The following SERGEF variants were observed in gnomAD, a reference collection of about 807,000 sequenced individuals.
SERGEF encodes the protein secretion regulating guanine nucleotide exchange factor.
A neutral mutation model predicts 50.0 loss-of-function variants in SERGEF; 51 were observed. That is an observed-to-expected ratio of 1.02 (90% CI 0.81 to 1.29). SERGEF has a LOEUF of 1.29. Ranked by LOEUF, SERGEF falls within the 50% of genes most tolerant of loss-of-function variation. The pLI is 0.00. For missense variants in SERGEF, 521 were observed against 557.0 expected, an observed-to-expected ratio of 0.94 and a Z score of 0.65; for synonymous variants, 205 against 212.4, an observed-to-expected ratio of 0.97 and a Z score of 0.30.
intron 9 of SERGEF, 105 bp downstream of exon 9, chr11:17,959,365 A>C (rs370380339): frequency 2.0e-6 from 2 of 1,024,570 alleles, no homozygotes; most frequent in Non-Finnish European, 1.4e-6. Flanking sequence ...TGATTCCTAC[A>C]TGGTACCTAT....
At chr11:17,833,513 C>A (rs921292610) in intron 10 of SERGEF, among the ~76,000 whole-genome samples, 5 of 152,130 alleles carry the variant, frequency 3.3e-5, no homozygotes, top group African/African-American at 9.7e-5. Context: ...CCTAGTAGAG[C>A]TGTGAGAAGA....
intron 8 of SERGEF, among the ~76,000 whole-genome samples, chr11:17,962,909 C>T (rs1052990964): frequency 2.6e-5 from 4 of 152,076 alleles, no homozygotes; most frequent in African/African-American, 9.7e-5. Context: ...CGGCCAGGCA[C>T]AGTGGCTCAC....
At chr11:17,849,330 GACTCT>G (rs1343229107) in intron 10 of SERGEF, among the ~76,000 whole-genome samples, 1 of 152,124 alleles carries the variant, frequency 6.6e-6, no homozygotes, top group Non-Finnish European at 1.5e-5. Flanking sequence ...AGCATTTCCT[GACTCT>G]GGGCACTTAC....
intron 10 of SERGEF, among the ~76,000 whole-genome samples, chr11:17,814,122 A>G (rs1190564654): frequency 6.6e-6 from 1 of 152,252 alleles, no homozygotes; most frequent in Non-Finnish European, 1.5e-5. Context: ...CTTACATGGT[A>G]TGATGGTTAA....
At chr11:17,918,436 T>A (rs183094001) in intron 9 of SERGEF, among the ~76,000 whole-genome samples, 3 of 152,184 alleles carry the variant, frequency 2.0e-5, no homozygotes, top group African/African-American at 7.2e-5. Context: ...TTCATTTATA[T>A]CAACATAAGA....
intron 9 of SERGEF, among the ~76,000 whole-genome samples, chr11:17,951,566 A>G (rs1004048483): frequency 2.0e-5 from 3 of 152,148 alleles, no homozygotes; most frequent in African/African-American, 7.2e-5. Flanking sequence ...TTTTCCTGAT[A>G]TGACACTGAG....
chr11:17,988,077 T>C (rs1006466281), intron 8 of SERGEF, among the ~76,000 whole-genome samples: 19 of 152,328 alleles, frequency 1.2e-4, no homozygotes, highest in Admixed American at 9.8e-4. Context: ...AAAAGCTGTA[T>C]GGCATGATGT....
intron 10 of SERGEF, among the ~76,000 whole-genome samples, chr11:17,840,808 A>G (rs1850488084): frequency 6.6e-6 from 1 of 152,242 alleles, no homozygotes; most frequent in Non-Finnish European, 1.5e-5. Flanking sequence ...CAGCAAAGCC[A>G]GATGGGTTCT....
intron 10 of SERGEF, among the ~76,000 whole-genome samples, chr11:17,867,627 G>A (rs935783203): frequency 2.0e-5 from 3 of 152,212 alleles, no homozygotes; most frequent in African/African-American, 7.2e-5. Context: ...CCCCAGTAGG[G>A]AGTCTGTGTC....
At chr11:18,003,238 T>C (rs971724461) in intron 4 of SERGEF, among the ~76,000 whole-genome samples, 2 of 152,228 alleles carry the variant, frequency 1.3e-5, no homozygotes, top group African/African-American at 4.8e-5. Flanking sequence ...GCTTAGGTGG[T>C]AAAACTCATT....
chr11:17,957,738 G>GAAAAAAAA (rs201005017), intron 9 of SERGEF, among the ~76,000 whole-genome samples: 1 of 134,848 alleles, frequency 7.4e-6, no homozygotes. Flanking sequence ...CTAGTGGTGG[G>GAAAAAAAA]AAAAAAAAAA....
chr11:17,859,368 G>C (rs1850884305), intron 10 of SERGEF, among the ~76,000 whole-genome samples: 1 of 151,968 alleles, frequency 6.6e-6, no homozygotes, highest in Non-Finnish European at 1.5e-5. Context: ...AAAGTTGGAA[G>C]ATCAAGTCAA....
rs149128876 is a variant in SERGEF, at chr11:17,983,306, G to GT, written c.844+5290dup. The stretch of plus-strand genomic sequence containing the variant: ...CAACCAGCACTTGTAACCAGCATTT[G>GT]TAAGCACTGATCTTTCTGCACTCTT... On this transcript the variant is annotated intron_variant, in intron 8 of 10. Transcript: ENST00000265965. Among the ~76,000 whole-genome samples, 879 of 152,244 alleles carry GT rather than the reference G, an allele frequency of 5.8e-3. 8 individuals carry two copies. The highest frequency in any genetic ancestry group is 0.02 in the African/African-American group (832 of 41,524).
intron 10 of SERGEF, among the ~76,000 whole-genome samples, chr11:17,874,007 C>G (rs1201048323): frequency 6.6e-6 from 1 of 152,204 alleles, no homozygotes; most frequent in Non-Finnish European, 1.5e-5. Context: ...GACCCTGCCT[C>G]TGAAAGGCAG....
At chr11:17,880,451 C>T (rs778211947) in intron 9 of SERGEF, among the ~76,000 whole-genome samples, 24 of 151,710 alleles carry the variant, frequency 1.6e-4, no homozygotes, top group South Asian at 2.1e-4. Flanking sequence ...TATGCAGCCT[C>T]GGAAAATGAT....
intron 9 of SERGEF, among the ~76,000 whole-genome samples, chr11:17,922,308 T>C (rs1852173357): frequency 6.6e-6 from 1 of 152,160 alleles, no homozygotes; most frequent in Non-Finnish European, 1.5e-5. Context: ...GAGAGGGCTC[T>C]AGCAGGCCAG....
intron 9 of SERGEF, among the ~76,000 whole-genome samples, chr11:17,896,567 AAGGGG>A (rs1851626671): frequency 1.7e-5 from 1 of 58,820 alleles, no homozygotes; most frequent in Non-Finnish European, 3.2e-5. Flanking sequence ...AAGGGAAGGG[AAGGGG>A]AAGGGAAGGG....
intron 8 of SERGEF, among the ~76,000 whole-genome samples, chr11:17,987,556 G>A (rs1462490761): frequency 2.6e-5 from 4 of 152,124 alleles, no homozygotes; most frequent in Non-Finnish European, 4.4e-5. Context: ...CCTCTAAAGC[G>A]GTAATATGGA....
At chr11:17,955,391 C>T (rs1038133082) in intron 9 of SERGEF, among the ~76,000 whole-genome samples, 6 of 152,308 alleles carry the variant, frequency 3.9e-5, no homozygotes, top group South Asian at 2.1e-4. Context: ...ATGGCCAACA[C>T]TGGTGCATGA....
Sources: allele counts gnomAD v4.1 joint callset (sites outside exome capture counted in the v4.1 genomes callset), GRCh38; gene constraint gnomAD v4.1.1; transcripts MANE v1.5; gene names NCBI Gene and HGNC (gene_info 2026-07-23, HGNC 2026-07-21).